The following PLCH1 variants were observed in gnomAD, a reference collection of about 807,000 sequenced individuals.
The protein encoded by PLCH1 is phospholipase C eta 1.
In PLCH1, 60 loss-of-function variants were observed where a neutral mutation model predicts 126.7. The observed-to-expected ratio is 0.47, with a 90% CI of 0.38 to 0.59. PLCH1 has a LOEUF of 0.59. Among genes scored for constraint, PLCH1 ranks in the 20% least tolerant of loss-of-function variants. PLCH1 has a pLI of 0.00. For synonymous variants in PLCH1, 719 were observed against 734.9 expected (o/e 0.98, Z 0.35); for missense variants, 1,723 against 2,040.0 (o/e 0.84, Z 2.99).
chr3:155,720,944 T>C (rs1016524479), intron 1 of PLCH1, among the ~76,000 whole-genome samples: 1 of 152,186 alleles, frequency 6.6e-6, no homozygotes, highest in African/African-American at 2.4e-5. Context: ...ACATGTGGTT[T>C]GACATTTATT....
intron 9 of PLCH1, 100 bp from the exon 10 acceptor site, chr3:155,550,058 G>A (rs1043301503): frequency 6.5e-5 from 50 of 775,148 alleles, no homozygotes; most frequent in Non-Finnish European, 9.8e-5. Flanking sequence ...CAATCCTAGT[G>A]ACAGTATTTG....
chr3:155,717,382 C>T (rs947221445), intron 1 of PLCH1, among the ~76,000 whole-genome samples: 3 of 152,256 alleles, frequency 2.0e-5, no homozygotes, highest in Non-Finnish European at 4.4e-5. Context: ...TCCATCCCCA[C>T]ATTTCCCTTC....
At chr3:155,503,960 T>A (rs1004881391) in intron 13 of PLCH1, among the ~76,000 whole-genome samples, 2 of 152,242 alleles carry the variant, frequency 1.3e-5, no homozygotes, top group Non-Finnish European at 2.9e-5. Context: ...CAACCATAAG[T>A]AGTGTTTGAG....
At chr3:155,610,213 T>A (rs1031597764) in intron 2 of PLCH1, among the ~76,000 whole-genome samples, 1 of 151,610 alleles carries the variant, frequency 6.6e-6, no homozygotes, top group African/African-American at 2.4e-5. Flanking sequence ...TACAAAAAAT[T>A]GGCCGGGCAT....
At chr3:155,605,457 A>G (rs927341385) in intron 2 of PLCH1, among the ~76,000 whole-genome samples, 1 of 152,262 alleles carries the variant, frequency 6.6e-6, no homozygotes. Flanking sequence ...AGTTGCTATT[A>G]GAACTAAGTA....
At chr3:155,590,736 C>T (rs559894297) in intron 4 of PLCH1, among the ~76,000 whole-genome samples, 5 of 152,250 alleles carry the variant, frequency 3.3e-5, no homozygotes, top group South Asian at 4.2e-4. Context: ...GGTGACAGAG[C>T]GAGACTCCGC....
intron 11 of PLCH1, 31 bp downstream of exon 11, chr3:155,523,866 G>T (rs759143748): frequency 6.4e-5 from 81 of 1,262,464 alleles, no homozygotes; most frequent in Admixed American, 2.0e-4. Flanking sequence ...GCATATCAAG[G>T]ATAAAAAATA....
rs1553792001 is a variant in PLCH1 at position 155,480,617 on chromosome 3, GACT to G, written c.*348_*350del. ...AACTCAACAGTTAGAGAGTAAAAAT[GACT>G]ACATTTGTGACTGCAATCTGAGGAC... On this transcript the variant is annotated 3_prime_UTR_variant, in exon 23 of 23. Transcript: ENST00000460012. 2 of 187,444 alleles carry G rather than the reference GACT, an allele frequency of 1.1e-5. No homozygotes were observed. Among genetic ancestry groups the G allele is most frequent in the Non-Finnish European group, 1.1e-5 (1 of 89,584 alleles). 11.6% of individuals were successfully genotyped at this position (187,444 alleles called of 1,614,324 possible). A position where few individuals can be genotyped will look rare whatever the true frequency, so the allele number is the denominator to read the frequency against.
intron 2 of PLCH1, chr3:155,675,964 C>A (rs1228897663): frequency 3.1e-5 from 37 of 1,196,574 alleles, no homozygotes; most frequent in Non-Finnish European, 4.0e-5. Context: ...AGGACTATTA[C>A]ACTTACCTTA....
intron 8 of PLCH1, among the ~76,000 whole-genome samples, chr3:155,558,703 A>C (rs1727154418): frequency 6.6e-6 from 1 of 152,176 alleles, no homozygotes; most frequent in Non-Finnish European, 1.5e-5. Flanking sequence ...CACTACTTAG[A>C]ATGGTACACA....
At chr3:155,649,277 G>A (rs1489300277) in intron 2 of PLCH1, among the ~76,000 whole-genome samples, 1 of 152,114 alleles carries the variant, frequency 6.6e-6, no homozygotes, top group Non-Finnish European at 1.5e-5. Context: ...GGAAAGTGAG[G>A]CAAGGAAGCC....
At chr3:155,506,708 T>C (rs1207756970) in intron 12 of PLCH1, among the ~76,000 whole-genome samples, 1 of 147,876 alleles carries the variant, frequency 6.8e-6, no homozygotes, top group African/African-American at 2.5e-5. Context: ...CTGCATAGTA[T>C]TCCATGGTGT....
chr3:155,501,556 G>A (rs1717909650), intron 13 of PLCH1, among the ~76,000 whole-genome samples: 1 of 152,152 alleles, frequency 6.6e-6, no homozygotes, highest in Admixed American at 6.5e-5. Flanking sequence ...ACTTTGGGGG[G>A]CTGAGGTGGG....
chr3:155,451,490 C>A (rs1259433161), intron 21 of PLCH1, among the ~76,000 whole-genome samples: 1 of 152,084 alleles, frequency 6.6e-6, no homozygotes, highest in Non-Finnish European at 1.5e-5. Context: ...TTAACAGGGC[C>A]ATGTAGTGCC....
At chr3:155,491,931 T>C (rs1306136767) in intron 18 of PLCH1, among the ~76,000 whole-genome samples, 2 of 152,190 alleles carry the variant, frequency 1.3e-5, no homozygotes, top group African/African-American at 4.8e-5. Flanking sequence ...GACTCTCCTT[T>C]CTGGTACCAG....
At chr3:155,604,097 C>CTCAA (rs370307550) in intron 2 of PLCH1, among the ~76,000 whole-genome samples, 1 of 152,154 alleles carries the variant, frequency 6.6e-6, no homozygotes, top group East Asian at 1.9e-4. Flanking sequence ...AGACCCTAGA[C>CTCAA]TCAATCAATC....
chr3:155,611,662 C>T (rs1023034637), intron 2 of PLCH1, among the ~76,000 whole-genome samples: 1 of 152,060 alleles, frequency 6.6e-6, no homozygotes, highest in Non-Finnish European at 1.5e-5. Flanking sequence ...CACCCTAGAA[C>T]AAATGGAACA....
At chr3:155,718,495 T>A (rs1363242575) in intron 1 of PLCH1, among the ~76,000 whole-genome samples, 5 of 152,180 alleles carry the variant, frequency 3.3e-5, no homozygotes, top group South Asian at 4.1e-4. Context: ...GGGTAATTTA[T>A]AAGAGGTTTA....
At chr3:155,674,935 A>G (rs1446694964) in intron 2 of PLCH1, among the ~76,000 whole-genome samples, 4 of 152,184 alleles carry the variant, frequency 2.6e-5, no homozygotes, top group African/African-American at 7.2e-5. Flanking sequence ...TTCTGCATAC[A>G]TAAGAGTTTC....
Sources: gnomAD v4.1 joint callset for allele counts (sites outside exome capture counted in the v4.1 genomes callset) on GRCh38, gnomAD v4.1.1 for gene constraint, MANE v1.5 for transcripts, NCBI Gene and HGNC (gene_info 2026-07-23, HGNC 2026-07-21) for gene names.